Variants in SNTB2 observed in about 807,000 individuals in gnomAD.
SNTB2 encodes the protein beta-2-syntrophin.
Under a neutral mutation model 46.2 loss-of-function variants are expected in SNTB2, and 34 were observed. The observed-to-expected ratio is 0.74, with a 90% CI of 0.56 to 0.98. The LOEUF (loss-of-function observed/expected upper bound fraction) is 0.98, where lower values mean the gene tolerates loss of function less well. Among genes scored for constraint, SNTB2 ranks in the 50% least tolerant of loss-of-function variants. The probability of loss-of-function intolerance (pLI) is 0.00; values close to 1 mark genes in which losing one functional copy is unlikely to be tolerated. For synonymous variants in SNTB2, 290 were observed against 312.6 expected, an observed-to-expected ratio of 0.93 and a Z score of 0.76; for missense variants, 603 against 731.4, an observed-to-expected ratio of 0.82 and a Z score of 2.02.
intron 1 of SNTB2, among the ~76,000 whole-genome samples, chr16:69,190,101 CCAGT>C (rs1333741608): frequency 1.3e-5 from 2 of 152,178 alleles, no homozygotes; most frequent in Non-Finnish European, 2.9e-5. Context: ...TTTAATTGAA[CCAGT>C]CAAACATTAT....
At chr16:69,300,750 T>C (rs1965270798) in intron 6 of SNTB2, 82 bp from the exon 7 acceptor site, 14 of 983,592 alleles carry the variant, frequency 1.4e-5, no homozygotes, top group Middle Eastern at 2.1e-4. Flanking sequence ...TTTACCTACC[T>C]TAAATTTATT....
chr16:69,258,189 C>T (rs1377332687), intron 2 of SNTB2, among the ~76,000 whole-genome samples: 1 of 152,194 alleles, frequency 6.6e-6, no homozygotes, highest in Non-Finnish European at 1.5e-5. Flanking sequence ...AACTCTCTCC[C>T]TGGTCATTGG....
chr16:69,217,847 A>T (rs541651997), intron 1 of SNTB2, among the ~76,000 whole-genome samples: 4 of 152,186 alleles, frequency 2.6e-5, no homozygotes, highest in Non-Finnish European at 5.9e-5. Flanking sequence ...GAGTCTCTCA[A>T]CTTATCCTGG....
At chr16:69,253,003 C>T (rs910106959) in intron 2 of SNTB2, among the ~76,000 whole-genome samples, 1 of 151,714 alleles carries the variant, frequency 6.6e-6, no homozygotes, top group Non-Finnish European at 1.5e-5. Context: ...GGGTTCACGC[C>T]ATTCTCCTGC....
At chr16:69,229,985 G>A (rs1964492343) in intron 1 of SNTB2, among the ~76,000 whole-genome samples, 1 of 151,760 alleles carries the variant, frequency 6.6e-6, no homozygotes, top group Non-Finnish European at 1.5e-5. Context: ...CATGGTCCTA[G>A]TATATTGCCC....
rs543734014 is a variant in SNTB2 at position 69,296,290 on chromosome 16, A to T, written c.1346-3300A>T. On this transcript the variant is annotated intron_variant, in intron 5 of 6. Coordinates refer to ENST00000336278, the MANE Select transcript of SNTB2 (RefSeq NM_006750.4). ...AGTGAAACTCCGTCTCAAAAAAAAAATTTTTTTTAAACTAAAACAAGCTCA... is the reference window on the plus strand; with the variant it reads ...AGTGAAACTCCGTCTCAAAAAAAAATTTTTTTTTAAACTAAAACAAGCTCA... Among the ~76,000 whole-genome samples the T allele has an allele frequency of 3.8e-4, 58 of 151,882 alleles. No homozygotes were observed. In the South Asian group the frequency reaches 6.4e-3, roughly 17 times the overall value.
At chr16:69,235,645 A>G (rs768096170) in intron 1 of SNTB2, 48 of 1,203,736 alleles carry the variant, frequency 4.0e-5, no homozygotes, top group Non-Finnish European at 4.9e-5. Flanking sequence ...AGCAGAAAGA[A>G]AGAAAACAAA....
At chr16:69,200,234 A>T (rs1423509773) in intron 1 of SNTB2, among the ~76,000 whole-genome samples, 1 of 152,232 alleles carries the variant, frequency 6.6e-6, no homozygotes, top group Non-Finnish European at 1.5e-5. Flanking sequence ...GTTGTCAAGC[A>T]CATTTGCTTA....
intron 1 of SNTB2, among the ~76,000 whole-genome samples, chr16:69,194,212 G>A (rs1209179800): frequency 3.3e-5 from 5 of 152,186 alleles, no homozygotes; most frequent in Admixed American, 6.5e-5. Context: ...TGTGCCTGAG[G>A]ATGGGGTGCA....
intron 5 of SNTB2, among the ~76,000 whole-genome samples, chr16:69,293,280 G>C (rs534227150): frequency 6.6e-6 from 1 of 152,290 alleles, no homozygotes; most frequent in South Asian, 2.1e-4. Context: ...CCCAGAAGCT[G>C]TCTATCCATA....
intron 1 of SNTB2, among the ~76,000 whole-genome samples, chr16:69,189,112 G>C (rs763152808): frequency 6.6e-6 from 1 of 151,972 alleles, no homozygotes; most frequent in Non-Finnish European, 1.5e-5. Context: ...GTGAATATTT[G>C]GAAAAATACT....
chr16:69,296,879 A>G (rs1965231222), intron 5 of SNTB2, among the ~76,000 whole-genome samples: 3 of 151,410 alleles, frequency 2.0e-5, no homozygotes, highest in South Asian at 4.2e-4. Flanking sequence ...GTGGTGGTAA[A>G]CACCTGTAAT....
chr16:69,215,517 C>A (rs764071724), intron 1 of SNTB2, among the ~76,000 whole-genome samples: 11 of 152,186 alleles, frequency 7.2e-5, no homozygotes, highest in Non-Finnish European at 1.6e-4. Flanking sequence ...TACCATTCTT[C>A]TGCTTCCAGG....
chr16:69,225,317 C>T (rs1053032621), intron 1 of SNTB2, among the ~76,000 whole-genome samples: 6 of 152,212 alleles, frequency 3.9e-5, no homozygotes, highest in Non-Finnish European at 7.3e-5. Flanking sequence ...TATAGTTTAT[C>T]ATTCAGGGTG....
At chr16:69,254,357 G>A (rs1051203541) in intron 2 of SNTB2, among the ~76,000 whole-genome samples, 4 of 152,136 alleles carry the variant, frequency 2.6e-5, no homozygotes, top group East Asian at 3.9e-4. Context: ...TGGATTGGCT[G>A]GGATTTGGCT....
chr16:69,209,086 T>C (rs1470403471), intron 1 of SNTB2, among the ~76,000 whole-genome samples: 1 of 152,040 alleles, frequency 6.6e-6, no homozygotes, highest in Non-Finnish European at 1.5e-5. Flanking sequence ...CAGGCCATTC[T>C]CCTGCCTCCT....
chr16:69,235,935 C>A, intron 1 of SNTB2: 1 of 1,054,796 alleles, frequency 9.5e-7, no homozygotes. Context: ...ATCTGTGCTA[C>A]ATCTTAGTAA....
intron 5 of SNTB2, among the ~76,000 whole-genome samples, chr16:69,298,812 G>C (rs1484060844): frequency 6.6e-6 from 1 of 151,634 alleles, no homozygotes; most frequent in Non-Finnish European, 1.5e-5. Context: ...GTGAGCCACC[G>C]TACCCGGCCA....
At chr16:69,244,197 A>G (rs1460009404) in intron 1 of SNTB2, among the ~76,000 whole-genome samples, 1 of 152,234 alleles carries the variant, frequency 6.6e-6, no homozygotes. Flanking sequence ...AGGCATCTCT[A>G]TGACCACATC....
Sources: allele counts gnomAD v4.1 joint callset (sites outside exome capture counted in the v4.1 genomes callset), GRCh38; gene constraint gnomAD v4.1.1; transcripts MANE v1.5; gene names NCBI Gene and HGNC (gene_info 2026-07-23, HGNC 2026-07-21).